The following DAB2IP variants were observed in gnomAD, a reference collection of about 807,000 sequenced individuals.
The protein encoded by DAB2IP is disabled homolog 2-interacting protein.
DAB2IP carries 28 observed loss-of-function variants against 107.2 expected under a neutral mutation model. The ratio of observed to expected loss-of-function variants is 0.26; its 90% CI spans 0.19 to 0.36. The LOEUF (loss-of-function observed/expected upper bound fraction) is 0.36, where lower values mean the gene tolerates loss of function less well. DAB2IP is among the 10% of genes least tolerant of loss of function. The probability of loss-of-function intolerance (pLI) is 1.00; values close to 1 mark genes in which losing one functional copy is unlikely to be tolerated. For synonymous variants in DAB2IP, 755 were observed against 706.4 expected, an observed-to-expected ratio of 1.07 and a Z score of -1.09; for missense variants, 1,400 against 1,644.7, an observed-to-expected ratio of 0.85 and a Z score of 2.57.
Position 121,651,979 on chromosome 9 carries a change from G to A in DAB2IP, c.124+80G>A. The A allele has an allele frequency of 1.7e-6, 2 of 1,165,382 alleles. No individual in the cohort carries two copies. Among genetic ancestry groups the A allele is most frequent in the East Asian group, 3.3e-5 (1 of 30,584 alleles). 72.2% of individuals were successfully genotyped at this position (1,165,382 alleles called of 1,614,324 possible). ...CTGATGCCCTGGGATGCTAGGGACCGGGATCCTCCTTCCAGCCATTTGCCG... is the reference window on the plus strand; with the variant it reads ...CTGATGCCCTGGGATGCTAGGGACCAGGATCCTCCTTCCAGCCATTTGCCG... On this transcript the variant is annotated intron_variant, in intron 1 of 15. Coordinates refer to ENST00000408936, the Ensembl canonical transcript of DAB2IP. The surrounding 1 kb of genome is among the most constrained non-coding windows in gnomAD (Gnocchi z 5.1).
At chr9:121,744,942 A>G (rs140346152) in intron 3 of DAB2IP, among the ~76,000 whole-genome samples, 2 of 152,266 alleles carry the variant, frequency 1.3e-5, no homozygotes, top group East Asian at 1.9e-4. Context: ...GATGAGCCAG[A>G]TAGGGCCAAG....
In DAB2IP at chr9:121,776,054, C is replaced by G; in HGVS notation, c.3121-144C>G. On this transcript the variant is annotated intron_variant, in intron 13 of 15. Coordinates refer to ENST00000408936, the Ensembl canonical transcript of DAB2IP. This position sits in a 1 kb window ranked among gnomAD's most constrained non-coding sequence, Gnocchi z 5.4. The stretch of plus-strand genomic sequence containing the variant: ...CCCACCAGCTGGGCTCCTTGGGCAT[C>G]TCCTTGCTATGTGAAGTGGGCGGGT... 2.1e-6 allele frequency: 2 copies of G among 970,126 alleles called. No homozygotes were observed. The highest frequency in any genetic ancestry group is 3.4e-5 in the South Asian group (2 of 58,346). 60.1% of individuals were successfully genotyped at this position (970,126 alleles called of 1,614,324 possible).
chr9:121,659,103 G>GCT, intron 1 of DAB2IP, among the ~76,000 whole-genome samples: 1 of 152,240 alleles, frequency 6.6e-6, no homozygotes, highest in Non-Finnish European at 1.5e-5. Flanking sequence ...GGGCCATGAG[G>GCT]CTCTGCCTTC....
chr9:121,783,808 C>T, exon 16 of DAB2IP: 1 of 553,482 alleles, frequency 1.8e-6, no homozygotes, highest in Admixed American at 3.1e-5. Context: ...TGTTCTGTAG[C>T]TTATCTGCCC....
At chr9:121,691,622 G>C (rs922276873) in intron 2 of DAB2IP, among the ~76,000 whole-genome samples, 1 of 151,920 alleles carries the variant, frequency 6.6e-6, no homozygotes, top group Admixed American at 6.6e-5. Flanking sequence ...TCTTCCATGC[G>C]TGATCTCATT....
At chr9:121,674,008 T>C (rs1589492976) in intron 1 of DAB2IP, among the ~76,000 whole-genome samples, 1 of 152,150 alleles carries the variant, frequency 6.6e-6, no homozygotes, top group Non-Finnish European at 1.5e-5. Flanking sequence ...AGGGGCTGCT[T>C]ATGAAGGCGT....
In DAB2IP at chr9:121,662,964, C is replaced by T. The variant is rs10985349; in HGVS notation, c.124+11065C>T. Among the ~76,000 whole-genome samples the T allele has an allele frequency of 0.18, 26,704 of 152,114 alleles. 2,443 individuals carry two copies. The highest frequency in any genetic ancestry group is 0.29 in the East Asian group (1,508 of 5,170). ...CCAGAAGAAAAAATGGGGAAAGTGA[C>T]ACTGCCGACTCAAATTACTAGAAAT... On this transcript the variant is annotated intron_variant, in intron 1 of 15. Coordinates refer to ENST00000408936, the Ensembl canonical transcript of DAB2IP. The surrounding 1 kb of genome is among the most constrained non-coding windows in gnomAD (Gnocchi z 4.6).
intron 1 of DAB2IP, among the ~76,000 whole-genome samples, chr9:121,632,039 G>A (rs1438126791): frequency 2.0e-5 from 3 of 152,056 alleles, no homozygotes; most frequent in African/African-American, 7.2e-5. Context: ...TGAGCCCAGG[G>A]TCCTCGTGGG....
chr9:121,699,166 C>A lies in DAB2IP; in HGVS notation c.229-159C>A, dbSNP rs1035799250. On this transcript the variant is annotated intron_variant, in intron 2 of 15. Transcript: ENST00000408936. This position sits in a 1 kb window ranked among gnomAD's most constrained non-coding sequence, Gnocchi z 6.2. ...GGGCCGTCGGCGCTCGGTCGGCGGG[C>A]GGGCGGCGCGGGCCGCGAGCTGCTG... Among the ~76,000 whole-genome samples the A allele has an allele frequency of 3.3e-3, 474 of 144,408 alleles. 7 individuals are homozygous for A. Among genetic ancestry groups the A allele is most frequent in the Non-Finnish European group, 5.5e-3 (362 of 65,274 alleles). 94.7% of individuals were successfully genotyped at this position (144,408 alleles called of 152,430 possible).
chr9:121,754,754 G>C (rs1833358991), intron 3 of DAB2IP, among the ~76,000 whole-genome samples: 1 of 152,170 alleles, frequency 6.6e-6, no homozygotes, highest in Non-Finnish European at 1.5e-5. Flanking sequence ...TGGGCTCCTG[G>C]GGTTGCAGGA....
chr9:121,772,907 C>G lies in DAB2IP; in HGVS notation c.2379C>G (p.Asn793Lys). 1 of 1,568,208 alleles carries G rather than the reference C, an allele frequency of 6.4e-7. No homozygotes were observed. The highest frequency in any genetic ancestry group is 8.6e-7 in the Non-Finnish European group (1 of 1,161,322). The stretch of plus-strand genomic sequence containing the variant: ...GGCCGGCCCGGGCAACCCCAGTGAA[C>G]CTGGCAGGGCTGGCCACGGTGCGGC... Residue 793 changes from asparagine (N) to lysine (K), a missense_variant, in exon 12 of 16, where the codon AAC (asparagine) becomes AAG (lysine). This residue lies in a region of DAB2IP where 600 missense variants were observed against 659.1 expected (regional missense o/e 0.91). Coordinates refer to ENST00000408936, the Ensembl canonical transcript of DAB2IP. The surrounding 1 kb of genome is among the most constrained non-coding windows in gnomAD (Gnocchi z 4.7).
intron 1 of DAB2IP, among the ~76,000 whole-genome samples, chr9:121,609,369 T>A (rs959691783): frequency 6.6e-6 from 1 of 152,156 alleles, no homozygotes; most frequent in Non-Finnish European, 1.5e-5. Flanking sequence ...ATTGAAACTT[T>A]TACAGGCTGT....
chr9:121,746,044 G>A (rs1832702726), intron 3 of DAB2IP, among the ~76,000 whole-genome samples: 1 of 152,180 alleles, frequency 6.6e-6, no homozygotes, highest in South Asian at 2.1e-4. Flanking sequence ...GGTGGTCTGG[G>A]GTCAGTTGGC....
rs541998466 is a variant in DAB2IP, at chr9:121,717,031, G to A, written c.362+17573G>A. Among the ~76,000 whole-genome samples the A allele has an allele frequency of 2.0e-5, 3 of 152,328 alleles. No individual in the cohort carries two copies. In the South Asian group the frequency reaches 6.2e-4, roughly 32 times the overall value. ...ACGGAGCTGGGCCTTGTGCACGCAT[G>A]TGTCATAGCAAGCACTCATGAAGAT... On this transcript the variant is annotated intron_variant, in intron 3 of 15. Coordinates refer to ENST00000408936, the Ensembl canonical transcript of DAB2IP.
intron 1 of DAB2IP, among the ~76,000 whole-genome samples, chr9:121,664,054 T>G (rs80293317): frequency 2.0e-5 from 3 of 152,250 alleles, no homozygotes; most frequent in African/African-American, 7.2e-5. Context: ...ATTATCTCTC[T>G]TAGATCTGTT....
intron 3 of DAB2IP, among the ~76,000 whole-genome samples, chr9:121,710,733 G>T (rs1830301464): frequency 6.6e-6 from 1 of 152,172 alleles, no homozygotes; most frequent in Non-Finnish European, 1.5e-5. Context: ...GATGATGGTG[G>T]CCAGGGACTC....
chr9:121,783,543 T>G, exon 16 of DAB2IP: 1 of 1,614,102 alleles, frequency 6.2e-7, no homozygotes, highest in Non-Finnish European at 8.5e-7. Context: ...CAGTATGCAT[T>G]AGAAACAAAA....
At chr9:121,606,612 C>A (rs1396640263) in intron 1 of DAB2IP, among the ~76,000 whole-genome samples, 1 of 152,074 alleles carries the variant, frequency 6.6e-6, no homozygotes, top group East Asian at 1.9e-4. Context: ...TGGAAGGAGG[C>A]TCTCCTTATT....
At chr9:121,781,073 C>T (rs979549373) in intron 14 of DAB2IP, among the ~76,000 whole-genome samples, 6 of 152,156 alleles carry the variant, frequency 3.9e-5, no homozygotes, top group Non-Finnish European at 2.9e-5. Flanking sequence ...GTGAAGATGG[C>T]GGGGGCAGGG....
Sources: allele counts gnomAD v4.1 joint callset (sites outside exome capture counted in the v4.1 genomes callset), GRCh38; gene constraint gnomAD v4.1.1; regional missense constraint gnomAD v4.1.1; non-coding constraint Gnocchi (gnomAD v3.1); transcripts MANE v1.5; gene names NCBI Gene and HGNC (gene_info 2026-07-23, HGNC 2026-07-21).